Variants in GNA15 observed in about 807,000 individuals in gnomAD.
The protein encoded by GNA15 is guanine nucleotide-binding protein subunit alpha-15.
A neutral mutation model predicts 40.1 loss-of-function variants in GNA15; 23 were observed. That is an observed-to-expected ratio of 0.57 (90% CI 0.41 to 0.81). GNA15 has a LOEUF of 0.81. Ranked by LOEUF, GNA15 falls within the 40% of genes least tolerant of loss-of-function variation. The probability of loss-of-function intolerance (pLI) is 0.00; values close to 1 mark genes in which losing one functional copy is unlikely to be tolerated. For synonymous variants in GNA15, 226 were observed against 210.4 expected (o/e 1.07, Z -0.64); for missense variants, 522 against 515.8 (o/e 1.01, Z -0.12).
At chr19:3,144,686 G>A (rs887136761) in intron 1 of GNA15, among the ~76,000 whole-genome samples, 7 of 151,088 alleles carry the variant, frequency 4.6e-5, no homozygotes, top group Non-Finnish European at 8.8e-5. Context: ...CCGCCACCAT[G>A]CCCGGTTAAT....
rs556908160 is a variant in GNA15, at chr19:3,163,443, G to A, written c.*424G>A. Reference sequence around the variant, plus strand: ...TAGTAGAGCCTTCAGGCGCCTTCGGGCGTGGACTCTGGCGCACTCTAGTGG... The same window carrying A: ...TAGTAGAGCCTTCAGGCGCCTTCGGACGTGGACTCTGGCGCACTCTAGTGG... On this transcript the variant is annotated 3_prime_UTR_variant, in exon 7 of 7. Coordinates refer to ENST00000262958, the MANE Select transcript of GNA15 (RefSeq NM_002068.4). 7.7e-4 allele frequency: 171 copies of A among 222,590 alleles called. No individual in the cohort carries two copies. Among genetic ancestry groups the A allele is most frequent in the Admixed American group, 1.9e-3 (35 of 18,578 alleles). The allele number at this position is 222,590 out of a possible 1,614,324, so 13.8% of individuals were successfully genotyped here.
At position 3,150,270 on chromosome 19, in the gene GNA15, T is replaced by C. The variant is rs980800256; in HGVS notation, c.470T>C (p.Leu157Pro). ...CYERRREFHL[L>P]DSAVYYLSHL... ...GAGCGTCGGCGGGAATTCCACCTGC[T>C]CGATTCAGCCGTGTAGTGAGTCTGG... The change falls in exon 3 of 7, where the codon CTC becomes CCC. Residue 157 changes from leucine (L) to proline (P), a missense_variant. Transcript: ENST00000262958. 4 of 1,597,084 alleles carry C rather than the reference T, an allele frequency of 2.5e-6. No homozygotes were observed. In the African/African-American group the frequency reaches 4.0e-5, roughly 16 times the overall value.
chr19:3,156,427 A>G (rs1035902157), intron 5 of GNA15, among the ~76,000 whole-genome samples: 3 of 150,816 alleles, frequency 2.0e-5, no homozygotes, highest in South Asian at 4.2e-4. Context: ...ATGAACACAC[A>G]CATGCACACA....
Position 3,154,037 on chromosome 19 carries a change from G to C in GNA15, c.615-1786G>C, listed in dbSNP as rs141532895. ...AGCGATGGATGGATGGGTGGATTGA[G>C]TAAATGGGTGGACAGGCAGGTGGAT... On this transcript the variant is annotated intron_variant, in intron 4 of 6. Coordinates refer to ENST00000262958, the MANE Select transcript of GNA15 (RefSeq NM_002068.4). Among the ~76,000 whole-genome samples, 531 of 150,330 alleles carry C rather than the reference G, an allele frequency of 3.5e-3. 1 individual carries two copies. The highest frequency in any genetic ancestry group is 5.1e-3 in the Non-Finnish European group (342 of 67,396).
chr19:3,140,600 T>G (rs1914556483), intron 1 of GNA15, among the ~76,000 whole-genome samples: 1 of 152,160 alleles, frequency 6.6e-6, no homozygotes, highest in Non-Finnish European at 1.5e-5. Context: ...CACTATTTGT[T>G]CACTTGTTTA....
chr19:3,148,349 A>T (rs1048628623), intron 1 of GNA15, among the ~76,000 whole-genome samples: 1 of 152,060 alleles, frequency 6.6e-6, no homozygotes, highest in African/African-American at 2.4e-5. Context: ...CAGCCTCCCA[A>T]AGTGCTGGGA....
intron 3 of GNA15, among the ~76,000 whole-genome samples, chr19:3,150,636 C>T (rs182291863): frequency 6.6e-6 from 1 of 152,094 alleles, no homozygotes; most frequent in Non-Finnish European, 1.5e-5. Context: ...TTGGGGAGAC[C>T]CTGTTCTAGG....
In GNA15 at chr19:3,148,682, G is replaced by A. The variant is rs370974247; in HGVS notation, c.237G>A (p.Arg79=). The part of the protein sequence containing the change: ...GYSEEERKGF[R]PLVYQNIFVS... ...CGGAGGAGGAGCGCAAGGGCTTCCG[G>A]CCCCTGGTCTACCAGAACATCTTCG... The change falls in exon 2 of 7, where the codon CGG becomes CGA. Residue 79 remains arginine (R), a synonymous_variant. Transcript: ENST00000262958. 3.3e-5 allele frequency: 53 copies of A among 1,596,356 alleles called. No individual in the cohort carries two copies. The highest frequency in any genetic ancestry group is 1.7e-4 in the Middle Eastern group (1 of 6,050).
chr19:3,138,062 G>A (rs1009059274), intron 1 of GNA15, among the ~76,000 whole-genome samples: 2 of 152,086 alleles, frequency 1.3e-5, no homozygotes, highest in African/African-American at 4.8e-5. Flanking sequence ...CCAGGAGTTC[G>A]AAATCAGCCT....
At chr19:3,150,029 A>T in intron 2 of GNA15, 102 bp from the exon 3 acceptor site, 1 of 934,706 alleles carries the variant, frequency 1.1e-6, no homozygotes, top group Non-Finnish European at 1.6e-6. Flanking sequence ...CAGTGGGAAG[A>T]GAGCGTGTTT....
At chr19:3,156,320 G>T (rs950601275) in intron 5 of GNA15, among the ~76,000 whole-genome samples, 1 of 151,504 alleles carries the variant, frequency 6.6e-6, no homozygotes, top group Non-Finnish European at 1.5e-5. Context: ...CAGTGCACAT[G>T]CACAACACAT....
At chr19:3,156,202 A>ACACACACTCT (rs57479390) in intron 5 of GNA15, among the ~76,000 whole-genome samples, 2 of 143,222 alleles carry the variant, frequency 1.4e-5, no homozygotes. Context: ...ACACACACAC[A>ACACACACTCT]CTACAGTGCA....
chr19:3,151,094 C>A lies in GNA15; in HGVS notation c.486-613C>A, dbSNP rs1366810582. ...CTGGGGGAACCCTATTCCTAGAGAA[C>A]CCTGTTCCCGGAGTGACCCTATTCC... On this transcript the variant is annotated intron_variant, in intron 3 of 6. Transcript: ENST00000262958. The surrounding 1 kb of genome is among the most constrained non-coding windows in gnomAD (Gnocchi z 5.0). 6.6e-6 allele frequency among the ~76,000 whole-genome samples: 1 copy of A among 151,212 alleles called. No individual in the cohort carries two copies. Among genetic ancestry groups the A allele is most frequent in the Non-Finnish European group, 1.5e-5 (1 of 67,738 alleles).
chr19:3,149,242 C>G (rs986206615), intron 2 of GNA15: 5 of 165,714 alleles, frequency 3.0e-5, no homozygotes, highest in South Asian at 1.4e-4. Flanking sequence ...TACACACTCA[C>G]AAACACACAC....
At chr19:3,150,713 G>A (rs906916405) in intron 3 of GNA15, among the ~76,000 whole-genome samples, 4 of 152,040 alleles carry the variant, frequency 2.6e-5, no homozygotes, top group Non-Finnish European at 4.4e-5. Context: ...CCTGTTTCAG[G>A]GGTGACCCTG....
intron 6 of GNA15, among the ~76,000 whole-genome samples, chr19:3,159,893 C>T (rs1462671876): frequency 1.3e-5 from 2 of 152,188 alleles, no homozygotes; most frequent in African/African-American, 2.4e-5. Context: ...TTGGGCACCA[C>T]TTAGTATATT....
At chr19:3,147,086 T>C (rs1914741929) in intron 1 of GNA15, among the ~76,000 whole-genome samples, 1 of 152,112 alleles carries the variant, frequency 6.6e-6, no homozygotes, top group African/African-American at 2.4e-5. Context: ...CTGAGAGGCC[T>C]TCCTTGACTG....
chr19:3,145,139 C>G (rs1914681336), intron 1 of GNA15, among the ~76,000 whole-genome samples: 1 of 150,938 alleles, frequency 6.6e-6, no homozygotes, highest in Non-Finnish European at 1.5e-5. Flanking sequence ...AGGCATGAGC[C>G]ACTGCGCCCA....
chr19:3,150,442 C>T (rs889341268), intron 3 of GNA15, among the ~76,000 whole-genome samples, 157 bp downstream of exon 3: 1 of 152,186 alleles, frequency 6.6e-6, no homozygotes, highest in Non-Finnish European at 1.5e-5. Context: ...CCCTAATTCC[C>T]GGGGGACCCT....
Sources: allele counts gnomAD v4.1 joint callset (sites outside exome capture counted in the v4.1 genomes callset), GRCh38; gene constraint gnomAD v4.1.1; non-coding constraint Gnocchi (gnomAD v3.1); transcripts MANE v1.5; gene names NCBI Gene and HGNC (gene_info 2026-07-23, HGNC 2026-07-21).